Variants in SPTBN2 observed in about 807,000 individuals in gnomAD.
SPTBN2 encodes spectrin beta, non-erythrocytic 2.
Under a neutral mutation model 284.2 loss-of-function variants are expected in SPTBN2, and 107 were observed. The observed-to-expected ratio is 0.38, with a 90% CI of 0.32 to 0.44. The LOEUF is 0.44. SPTBN2 is among the 20% of genes least tolerant of loss of function. The probability of loss-of-function intolerance (pLI) is 1.00; values close to 1 mark genes in which losing one functional copy is unlikely to be tolerated. For missense variants in SPTBN2, 2,569 were observed against 3,287.1 expected (o/e 0.78, Z 5.34); for synonymous variants, 1,289 against 1,354.8 (o/e 0.95, Z 1.07).
Position 66,701,043 on chromosome 11 carries a change from G to T in SPTBN2, c.3056C>A (p.Thr1019Asn). ...EAIAARVGELTREANALAAGH... is the reference protein window; with the variant it reads ...EAIAARVGELNREANALAAGH... ...GGCAGCCAGGGCATTTGCCTCTCGA[G>T]TCAGTTCGCCCACCCGGGCGGCGAT... is the stretch of plus-strand genomic sequence containing the variant. The change falls in exon 17 of 38, where the codon ACT (threonine) becomes AAT (asparagine). Residue 1019 changes from threonine (T) to asparagine (N), a missense_variant. Physicochemically the swap from Thr to Asn is moderately conservative, Grantham distance 65. Coordinates refer to ENST00000533211, the MANE Select transcript of SPTBN2 (RefSeq NM_006946.4). The T allele has an allele frequency of 6.2e-7, 1 of 1,609,496 alleles. No homozygotes were observed.
In SPTBN2 at chr11:66,691,526, A is replaced by G; in HGVS notation, c.5323T>C (p.Trp1775Arg). The G allele has an allele frequency of 6.2e-7, 1 of 1,612,638 alleles. No individual in the cohort carries two copies. The highest frequency in any genetic ancestry group is 8.5e-7 in the Non-Finnish European group (1 of 1,179,996). Residue 1775 changes from tryptophan to arginine, a missense_variant, in exon 27 of 38, where the codon TGG becomes CGG. Transcript: ENST00000533211. This position sits in a 1 kb window ranked among gnomAD's most constrained non-coding sequence, Gnocchi z 8.0. ...GHAARATVAE[W>R]KDSLNEAWAD... ...CAGGCCTCGTTGAGACTGTCCTTCCACTCGGCCACGGTGGCCCGTGCAGCA... is the reference window on the plus strand; with the variant it reads ...CAGGCCTCGTTGAGACTGTCCTTCCGCTCGGCCACGGTGGCCCGTGCAGCA...
intron 13 of SPTBN2, among the ~76,000 whole-genome samples, chr11:66,706,153 CAT>C (rs1396114745): frequency 6.6e-6 from 1 of 152,210 alleles, no homozygotes; most frequent in African/African-American, 2.4e-5. Flanking sequence ...CTTCCTTCCA[CAT>C]CTCTCCCCAA....
intron 1 of SPTBN2, among the ~76,000 whole-genome samples, chr11:66,735,813 G>A (rs1208489574): frequency 1.3e-5 from 2 of 152,166 alleles, no homozygotes; most frequent in African/African-American, 4.8e-5. Flanking sequence ...GATTGGTGAA[G>A]TTAATTCTTT....
At chr11:66,733,233 A>G (rs897509793), upstream of SPTBN2, among the ~76,000 whole-genome samples, 5 of 152,170 alleles carry the variant, frequency 3.3e-5, no homozygotes, top group African/African-American at 1.2e-4. Flanking sequence ...TGTAGCTGCT[A>G]TGGGGGGAAT....
At chr11:66,730,414 T>C (rs780744716), upstream of SPTBN2, among the ~76,000 whole-genome samples, 17 of 151,928 alleles carry the variant, frequency 1.1e-4, no homozygotes, top group Non-Finnish European at 1.9e-4. Flanking sequence ...AAACCCCTTC[T>C]CTACTAAAAA....
Position 66,715,722 on chromosome 11 carries a change from A to G in SPTBN2, c.309+108T>C. ...ACCCATCCTCTGAGCAGAGGGAGCCACTGCTTCCCGCCCTGTGCCGTCACT... is the reference window on the plus strand; with the variant it reads ...ACCCATCCTCTGAGCAGAGGGAGCCGCTGCTTCCCGCCCTGTGCCGTCACT... On this transcript the variant is annotated intron_variant, in intron 4 of 37. Coordinates refer to ENST00000533211, the MANE Select transcript of SPTBN2 (RefSeq NM_006946.4). This position sits in a 1 kb window ranked among gnomAD's most constrained non-coding sequence, Gnocchi z 5.3. The G allele has an allele frequency of 6.8e-7, 1 of 1,474,596 alleles. No homozygotes were observed. Among genetic ancestry groups the G allele is most frequent in the African/African-American group, 1.4e-5 (1 of 71,878 alleles). 91.3% of individuals were successfully genotyped at this position (1,474,596 alleles called of 1,614,324 possible).
In SPTBN2 at chr11:66,704,166, G is replaced by A. The variant is rs988595302; in HGVS notation, c.2678+432C>T. ...TTTTTGTATTTTTAGTTGAGACAGC[G>A]TTTCACCATGTTAGCCAGGATGGTC... On this transcript the variant is annotated intron_variant, in intron 15 of 37. Coordinates refer to ENST00000533211, the MANE Select transcript of SPTBN2 (RefSeq NM_006946.4). Among the ~76,000 whole-genome samples, 8 of 151,712 alleles carry A rather than the reference G, an allele frequency of 5.3e-5. No homozygotes were observed. In the South Asian group the frequency reaches 1.3e-3, roughly 24 times the overall value.
chr11:66,692,386 T>C, intron 26 of SPTBN2, 150 bp downstream of exon 26: 1 of 892,348 alleles, frequency 1.1e-6, no homozygotes, highest in Non-Finnish European at 1.8e-6. Context: ...CTTCAAATCA[T>C]ATACCTCAAA....
In SPTBN2 at chr11:66,710,327, G is replaced by A. The variant is rs778089409; in HGVS notation, c.1073+255C>T. Among the ~76,000 whole-genome samples, 2 of 150,602 alleles carry A rather than the reference G, an allele frequency of 1.3e-5. No individual in the cohort carries two copies. The highest frequency in any genetic ancestry group is 3.0e-5 in the Non-Finnish European group (2 of 67,646). ...TTGGCCAGACTGGTCTCGGTGATGCGCCCGCCTTGGCCTCCCAAAGTGCTG... is the reference window on the plus strand; with the variant it reads ...TTGGCCAGACTGGTCTCGGTGATGCACCCGCCTTGGCCTCCCAAAGTGCTG... On this transcript the variant is annotated intron_variant, in intron 10 of 37. Coordinates refer to ENST00000533211, the MANE Select transcript of SPTBN2 (RefSeq NM_006946.4). This position sits in a 1 kb window ranked among gnomAD's most constrained non-coding sequence, Gnocchi z 4.9.
chr11:66,743,363 A>G (rs1487604220), intron 1 of SPTBN2, among the ~76,000 whole-genome samples: 1 of 152,198 alleles, frequency 6.6e-6, no homozygotes, highest in African/African-American at 2.4e-5. Context: ...GAGTAGCACC[A>G]AGGTTGTGTA....
At chr11:66,741,324 C>A (rs531175233) in intron 1 of SPTBN2, among the ~76,000 whole-genome samples, 31 of 152,286 alleles carry the variant, frequency 2.0e-4, no homozygotes, top group Admixed American at 7.2e-4. Context: ...CTCATTCTTC[C>A]CCTTCCTGCT....
chr11:66,710,578 C>T lies in SPTBN2; in HGVS notation c.1073+4G>A, dbSNP rs539652266. Reference sequence around the variant, plus strand: ...GGGAAGGGTGGGGCCCCAGGGACACCTACTTGGGCGGCTTCTCCACGGTGC... The same window carrying T: ...GGGAAGGGTGGGGCCCCAGGGACACTTACTTGGGCGGCTTCTCCACGGTGC... On this transcript the variant is annotated splice_donor_region_variant and intron_variant, in intron 10 of 37. Transcript: ENST00000533211. This position sits in a 1 kb window ranked among gnomAD's most constrained non-coding sequence, Gnocchi z 4.9. 7 of 1,613,246 alleles carry T rather than the reference C, an allele frequency of 4.3e-6. No individual in the cohort carries two copies. Among genetic ancestry groups the T allele is most frequent in the Middle Eastern group, 1.7e-4 (1 of 5,970 alleles).
Position 66,721,360 on chromosome 11 carries a change from C to T in SPTBN2, c.-33G>A, listed in dbSNP as rs1942395488. 3 of 1,389,218 alleles carry T rather than the reference C, an allele frequency of 2.2e-6. No individual in the cohort carries two copies. Among genetic ancestry groups the T allele is most frequent in the African/African-American group, 1.4e-5 (1 of 70,520 alleles). The allele number at this position is 1,389,218 out of a possible 1,614,324, so 86.1% of individuals were successfully genotyped here. ...GTCTTCTTGCCCTACCTGTGCTCCGCTCTCCTTGTGGCCAGAGGCTGCGGT... is the reference window on the plus strand; with the variant it reads ...GTCTTCTTGCCCTACCTGTGCTCCGTTCTCCTTGTGGCCAGAGGCTGCGGT... On this transcript the variant is annotated 5_prime_UTR_variant, in exon 2 of 38. Transcript: ENST00000533211.
chr11:66,740,283 A>G (rs1408600306), intron 1 of SPTBN2, among the ~76,000 whole-genome samples: 1 of 152,182 alleles, frequency 6.6e-6, no homozygotes, highest in Non-Finnish European at 1.5e-5. Flanking sequence ...TGAAGAACGA[A>G]ATACTCGAGT....
chr11:66,704,647 C>T lies in SPTBN2; in HGVS notation c.2629G>A (p.Gly877Arg), dbSNP rs1482746869. 2.5e-6 allele frequency: 4 copies of T among 1,611,994 alleles called. No homozygotes were observed. Among genetic ancestry groups the T allele is most frequent in the East Asian group, 2.2e-5 (1 of 44,832 alleles). ...TCCAGGCGTTCAGGCAGGGCCAGCC[C>T]GTTGAGCCACTGCTCCTTCTCCTCC... is the stretch of plus-strand genomic sequence containing the variant. The part of the protein sequence containing the change: ...WVEEKEQWLN[G>R]LALPERLEDL... Residue 877 changes from glycine to arginine, a missense_variant, in exon 15 of 38, where the codon GGG becomes AGG. This residue lies in a region of SPTBN2 where 1,012 missense variants were observed against 1,248.9 expected (regional missense o/e 0.81). Transcript: ENST00000533211.
At position 66,683,737 on chromosome 11, in the gene SPTBN2, T is replaced by C. The variant is rs1225309353; in HGVS notation, c.*2134A>G. 6.6e-6 allele frequency among the ~76,000 whole-genome samples: 1 copy of C among 152,278 alleles called. No homozygotes were observed. Among genetic ancestry groups the C allele is most frequent in the Non-Finnish European group, 1.5e-5 (1 of 68,052 alleles). On this transcript the variant is annotated 3_prime_UTR_variant, in exon 38 of 38. Transcript: ENST00000533211. ...CGTGTTAAAATAATCATTTCTCTAT[T>C]AATTTCTCCATATACATTTCCTTCT...
At chr11:66,741,899 G>A (rs781011434) in intron 1 of SPTBN2, among the ~76,000 whole-genome samples, 5 of 151,902 alleles carry the variant, frequency 3.3e-5, no homozygotes, top group African/African-American at 1.2e-4. Flanking sequence ...ATAGCTCACC[G>A]CAACCTCCAA....
chr11:66,693,293 G>T lies in SPTBN2; in HGVS notation c.4747C>A (p.Arg1583=), dbSNP rs766400529. The change falls in exon 24 of 38, where the codon CGA becomes AGA. Residue 1583 remains arginine (R), a synonymous_variant. Transcript: ENST00000533211. The surrounding 1 kb of genome is among the most constrained non-coding windows in gnomAD (Gnocchi z 5.7). ...TGGGCTCGCAGGGCATCCTCCAGTC[G>T]CTTCCCTCGAAGTTCCAGCTCGTGG... is the stretch of plus-strand genomic sequence containing the variant. ...LGHELELRGK[R]LEDALRAQQF... The T allele has an allele frequency of 1.2e-6, 2 of 1,613,510 alleles. No homozygotes were observed. The highest frequency in any genetic ancestry group is 3.3e-5 in the Admixed American group (2 of 60,016).
At chr11:66,694,469 T>G (rs1050916140) in intron 21 of SPTBN2, 106 bp from the exon 22 acceptor site, 12 of 1,146,612 alleles carry the variant, frequency 1.0e-5, no homozygotes, top group Middle Eastern at 4.0e-4. Context: ...TGCTCATCAC[T>G]GCAGCTCACC....
Sources: gnomAD v4.1 joint callset for allele counts (sites outside exome capture counted in the v4.1 genomes callset) on GRCh38, gnomAD v4.1.1 for gene constraint, gnomAD v4.1.1 regional missense constraint, Gnocchi (gnomAD v3.1) non-coding constraint, MANE v1.5 for transcripts, NCBI Gene and HGNC (gene_info 2026-07-23, HGNC 2026-07-21) for gene names.